The following FAM135A variants were observed in gnomAD, a reference collection of about 807,000 sequenced individuals.
FAM135A encodes family with sequence similarity 135 member A.
FAM135A carries 79 observed loss-of-function variants against 146.8 expected under a neutral mutation model. That is an observed-to-expected ratio of 0.54 (90% CI 0.45 to 0.65). The LOEUF (loss-of-function observed/expected upper bound fraction) is 0.65. Ranked by LOEUF, FAM135A falls within the 30% of genes least tolerant of loss-of-function variation. The pLI is 0.00. For synonymous variants in FAM135A, 562 were observed against 603.6 expected, an observed-to-expected ratio of 0.93 and a Z score of 1.01; for missense variants, 1,623 against 1,758.2, an observed-to-expected ratio of 0.92 and a Z score of 1.38.
At chr6:70,516,767 C>T (rs1792359708) in intron 12 of FAM135A, among the ~76,000 whole-genome samples, 3 of 151,908 alleles carry the variant, frequency 2.0e-5, no homozygotes, top group African/African-American at 7.3e-5. Flanking sequence ...GATCTCCTGA[C>T]CTTGTGATCC....
intron 5 of FAM135A, among the ~76,000 whole-genome samples, chr6:70,458,027 G>A (rs1278627579): frequency 6.6e-6 from 1 of 152,104 alleles, no homozygotes; most frequent in Non-Finnish European, 1.5e-5. Flanking sequence ...AAAATAAATA[G>A]TTTGTGGCAG....
intron 1 of FAM135A, chr6:70,413,905 C>G (rs1487814192): frequency 1.0e-6 from 1 of 985,266 alleles, no homozygotes; most frequent in African/African-American, 1.7e-5. Flanking sequence ...GTGCGGAGCG[C>G]TCTGAGGGAG....
chr6:70,463,404 C>T (rs1008514302), intron 5 of FAM135A, among the ~76,000 whole-genome samples: 3 of 148,772 alleles, frequency 2.0e-5, no homozygotes, highest in African/African-American at 7.6e-5. Context: ...GCGCATGCCA[C>T]CACACTGGCC....
chr6:70,507,254 G>A (rs1205722043), intron 12 of FAM135A, among the ~76,000 whole-genome samples: 1 of 152,076 alleles, frequency 6.6e-6, no homozygotes, highest in Non-Finnish European at 1.5e-5. Flanking sequence ...CAAAAACTGT[G>A]GACATGGTAG....
At position 70,559,811 on chromosome 6, in the gene FAM135A, C is replaced by A; in HGVS notation, c.4438C>A (p.Pro1480Thr). Residue 1480 changes from proline to threonine, a missense_variant, in exon 22 of 22, where the codon CCC becomes ACC. Transcript: ENST00000418814. ...LVRYNVINAL[P>T]NTADSLIGRA... Reference sequence around the variant, plus strand: ...TCGCTATAATGTCATCAATGCATTGCCCAATACAGCTGATTCACTCATTGG... The same window carrying A: ...TCGCTATAATGTCATCAATGCATTGACCAATACAGCTGATTCACTCATTGG... 2 of 1,614,076 alleles carry A rather than the reference C, an allele frequency of 1.2e-6. No homozygotes were observed. The highest frequency in any genetic ancestry group is 1.7e-6 in the Non-Finnish European group (2 of 1,179,976).
chr6:70,442,603 A>G (rs867690879), intron 4 of FAM135A, among the ~76,000 whole-genome samples: 2 of 151,960 alleles, frequency 1.3e-5, no homozygotes, highest in East Asian at 1.9e-4. Context: ...ATACCCTTCC[A>G]TCTTACACAA....
In FAM135A at chr6:70,427,140, A is replaced by G. The variant is rs905172698; in HGVS notation, c.-40+608A>G. Among the ~76,000 whole-genome samples, 11 of 152,288 alleles carry G rather than the reference A, an allele frequency of 7.2e-5. 1 individual carries two copies. The South Asian group carries it at 2.1e-3, about 29-fold the overall frequency. On this transcript the variant is annotated intron_variant, in intron 3 of 21. Coordinates refer to ENST00000418814, the MANE Select transcript of FAM135A (RefSeq NM_001162529.3). ...TAAATATGTACTGTTGATAAGGATGATTGTTATAATTTTTTTTAAATAGTG... is the reference window on the plus strand; with the variant it reads ...TAAATATGTACTGTTGATAAGGATGGTTGTTATAATTTTTTTTAAATAGTG...
chr6:70,420,350 A>G (rs892827341), intron 2 of FAM135A, among the ~76,000 whole-genome samples: 2 of 152,294 alleles, frequency 1.3e-5, no homozygotes, highest in African/African-American at 4.8e-5. Context: ...GGATGTGTCC[A>G]TTTCCTCTTT....
At chr6:70,531,731 C>T (rs76397978) in intron 16 of FAM135A, among the ~76,000 whole-genome samples, 2,867 of 152,174 alleles carry the variant, frequency 0.019, 95 homozygotes, top group African/African-American at 0.065. Flanking sequence ...CATTTGTAAA[C>T]TGCTGATTTC....
chr6:70,432,012 T>G (rs947208277), intron 4 of FAM135A, among the ~76,000 whole-genome samples: 5 of 152,098 alleles, frequency 3.3e-5, no homozygotes, highest in African/African-American at 4.8e-5. Context: ...GACAAAAAAG[T>G]CATGATGTGA....
At chr6:70,419,971 G>A (rs1311638096) in intron 2 of FAM135A, among the ~76,000 whole-genome samples, 3 of 152,088 alleles carry the variant, frequency 2.0e-5, no homozygotes, top group Admixed American at 6.6e-5. Context: ...ATTTTTAAGC[G>A]TTTTTAATTC....
intron 12 of FAM135A, among the ~76,000 whole-genome samples, chr6:70,516,200 T>C (rs979814907): frequency 1.1e-4 from 16 of 152,306 alleles, no homozygotes; most frequent in African/African-American, 3.4e-4. Context: ...CATTTGAATT[T>C]CTTGGGAACT....
chr6:70,552,383 G>A (rs533648316), intron 20 of FAM135A, among the ~76,000 whole-genome samples: 1 of 151,662 alleles, frequency 6.6e-6, no homozygotes, highest in African/African-American at 2.4e-5. Context: ...ACTGTTAGCT[G>A]TGTCCTTAGT....
In FAM135A at chr6:70,528,408, C is replaced by T. The variant is rs1327135265; in HGVS notation, c.3731C>T (p.Ser1244Phe). 1 of 1,613,188 alleles carries T rather than the reference C, an allele frequency of 6.2e-7. No homozygotes were observed. The highest frequency in any genetic ancestry group is 8.5e-7 in the Non-Finnish European group (1 of 1,179,628). Residue 1244 changes from serine to phenylalanine, a missense_variant, in exon 16 of 22, where the codon TCT (serine) becomes TTT (phenylalanine). Coordinates refer to ENST00000418814, the MANE Select transcript of FAM135A (RefSeq NM_001162529.3). The part of the protein sequence containing the change: ...PYFSVEEEDG[S>F]EDGVHLIVCV... ...TTTAGTGTAGAAGAAGAGGATGGTT[C>T]TGAAGATGGAGTACATCTGATTGTC...
intron 16 of FAM135A, 58 bp downstream of exon 16, chr6:70,528,510 A>G: frequency 7.3e-7 from 1 of 1,371,680 alleles, no homozygotes. Flanking sequence ...TTCCTAATAG[A>G]TCTCATTTAG....
chr6:70,511,365 A>C (rs1790966328), intron 12 of FAM135A, among the ~76,000 whole-genome samples: 1 of 151,954 alleles, frequency 6.6e-6, no homozygotes, highest in Non-Finnish European at 1.5e-5. Context: ...TCGTCATGAT[A>C]AAAAATTTTA....
Position 70,559,831 on chromosome 6 carries a change from C to T in FAM135A, c.4458C>T (p.Leu1486=). ...CATTGCCCAATACAGCTGATTCACTCATTGGGAGAGCTGCACATATAGCTG... is the reference window on the plus strand; with the variant it reads ...CATTGCCCAATACAGCTGATTCACTTATTGGGAGAGCTGCACATATAGCTG... ...INALPNTADS[L]IGRAAHIAVL... is the part of the protein sequence containing the mutation. Residue 1486 remains leucine (L), a synonymous_variant, in exon 22 of 22, where the codon CTC becomes CTT. Coordinates refer to ENST00000418814, the MANE Select transcript of FAM135A (RefSeq NM_001162529.3). 1.2e-6 allele frequency: 2 copies of T among 1,614,084 alleles called. No homozygotes were observed. Among genetic ancestry groups the T allele is most frequent in the South Asian group, 2.2e-5 (2 of 91,078 alleles).
At chr6:70,517,030 T>G (rs1792429782) in intron 12 of FAM135A, among the ~76,000 whole-genome samples, 1 of 152,210 alleles carries the variant, frequency 6.6e-6, no homozygotes, top group Non-Finnish European at 1.5e-5. Flanking sequence ...TGATATTCTT[T>G]GAGTATAACT....
intron 12 of FAM135A, among the ~76,000 whole-genome samples, chr6:70,509,376 C>T (rs1227572512): frequency 1.3e-5 from 2 of 152,062 alleles, no homozygotes. Flanking sequence ...TTGTAGTTGC[C>T]TGTTTATGTT....
Sources: allele counts gnomAD v4.1 joint callset (sites outside exome capture counted in the v4.1 genomes callset), GRCh38; gene constraint gnomAD v4.1.1; transcripts MANE v1.5; gene names NCBI Gene and HGNC (gene_info 2026-07-23, HGNC 2026-07-21).